FLRT2: variants seen among roughly 807,000 people sequenced by gnomAD.
FLRT2 encodes fibronectin leucine rich transmembrane protein 2, also known as leucine-rich repeat transmembrane protein FLRT2.
Under a neutral mutation model 40.0 loss-of-function variants are expected in FLRT2, and 15 were observed. That is an observed-to-expected ratio of 0.38 (90% CI 0.25 to 0.58). The LOEUF (loss-of-function observed/expected upper bound fraction) is 0.58. Ranked by LOEUF, FLRT2 falls within the 20% of genes least tolerant of loss-of-function variation. FLRT2 has a pLI of 0.71. For missense variants in FLRT2, 726 were observed against 840.0 expected (o/e 0.86, Z 1.68); for synonymous variants, 380 against 336.8 (o/e 1.13, Z -1.41).
At position 85,643,378 on chromosome 14, in the gene FLRT2, T is replaced by TTCCTTC. The variant is rs1555373585; in HGVS notation, c.*19881_*19882insTCCTTC. ...TTCTTCCTTCCTTCCTTCCTTCCTT[T>TTCCTTC]CTTTCCTTTCTCCTTTTTCTTTTTT... On this transcript the variant is annotated 3_prime_UTR_variant, in exon 2 of 2. Transcript: ENST00000330753. 2.0e-5 allele frequency: 2 copies of TTCCTTC among 99,824 alleles called. No individual in the cohort carries two copies. The highest frequency in any genetic ancestry group is 4.2e-5 in the African/African-American group (1 of 23,632). 6.2% of individuals were successfully genotyped at this position (99,824 alleles called of 1,614,324 possible). A position where few individuals can be genotyped will look rare whatever the true frequency, so the allele number is the denominator to read the frequency against.
chr14:85,614,099 CA>C (rs1893016164), intron 1 of FLRT2, among the ~76,000 whole-genome samples: 1 of 152,146 alleles, frequency 6.6e-6, no homozygotes, highest in South Asian at 2.1e-4. Context: ...AGCCCTCTAA[CA>C]ACCGTGAAAT....
chr14:85,557,121 G>A lies in FLRT2; in HGVS notation c.-377+26587G>A, dbSNP rs111854542. Among the ~76,000 whole-genome samples the A allele has an allele frequency of 1.7e-3, 255 of 152,138 alleles. 4 individuals carry two copies. Among genetic ancestry groups the A allele is most frequent in the Middle Eastern group, 0.01 (3 of 294 alleles). On this transcript the variant is annotated intron_variant, in intron 1 of 1. Transcript: ENST00000330753. The stretch of plus-strand genomic sequence containing the variant: ...CCTCCCACAACACATGGGAATTATG[G>A]GAATATGATTCAAGATGAGATTTGG...
At position 85,622,576 on chromosome 14, in the gene FLRT2, T is replaced by C; in HGVS notation, c.1062T>C (p.Asn354=). ...GGGGGATGGCCGTCAGGGAATTAAA[T>C]ATGAATCTTTTGTCCTGTCCCACCA... ...QVRGMAVREL[N]MNLLSCPTTT... The change falls in exon 2 of 2, where the codon AAT becomes AAC. Residue 354 remains asparagine, a synonymous_variant. Transcript: ENST00000330753. 1 of 1,613,706 alleles carries C rather than the reference T, an allele frequency of 6.2e-7. No homozygotes were observed. Among genetic ancestry groups the C allele is most frequent in the Non-Finnish European group, 8.5e-7 (1 of 1,179,960 alleles).
Position 85,648,718 on chromosome 14 carries a change from T to C in FLRT2, c.*25221T>C, listed in dbSNP as rs562315459. ...GACCTCTTACCAAACACAGATGAGA[T>C]GTACTGTCTGCCACCCTAACTGCCC... On this transcript the variant is annotated 3_prime_UTR_variant, in exon 2 of 2. Coordinates refer to ENST00000330753, the MANE Select transcript of FLRT2 (RefSeq NM_013231.6). The C allele has an allele frequency of 6.6e-6, 1 of 152,276 alleles. No homozygotes were observed. The highest frequency in any genetic ancestry group is 2.1e-4 in the South Asian group (1 of 4,832). The allele number at this position is 152,276 out of a possible 1,614,324, so 9.4% of individuals were successfully genotyped here.
intron 1 of FLRT2, among the ~76,000 whole-genome samples, chr14:85,594,609 T>A (rs939764230): frequency 2.0e-5 from 3 of 152,160 alleles, no homozygotes; most frequent in Non-Finnish European, 2.9e-5. Context: ...GTCTTTGGAG[T>A]TGTTTTAATC....
intron 1 of FLRT2, among the ~76,000 whole-genome samples, chr14:85,546,995 A>G (rs1439444094): frequency 1.3e-5 from 2 of 152,082 alleles, no homozygotes; most frequent in African/African-American, 4.8e-5. Context: ...ACTTAAAACA[A>G]ATTTCTGTTT....
chr14:85,571,566 A>G (rs78191952), intron 1 of FLRT2, among the ~76,000 whole-genome samples: 6,686 of 152,246 alleles, frequency 0.044, 391 homozygotes, highest in African/African-American at 0.13. Flanking sequence ...AAATGTAATC[A>G]TTGTTAGTCC....
chr14:85,598,986 T>C (rs1362939054), intron 1 of FLRT2, among the ~76,000 whole-genome samples: 1 of 150,660 alleles, frequency 6.6e-6, no homozygotes, highest in Non-Finnish European at 1.5e-5. Context: ...GGCACAGTCT[T>C]GGCTCACTGC....
Position 85,622,819 on chromosome 14 carries a change from T to A in FLRT2, c.1305T>A (p.Thr435=), listed in dbSNP as rs780593469. 1.2e-6 allele frequency: 2 copies of A among 1,614,192 alleles called. No individual in the cohort carries two copies. The highest frequency in any genetic ancestry group is 1.1e-5 in the South Asian group (1 of 91,088). Residue 435 remains threonine, a synonymous_variant, in exon 2 of 2, where the codon ACT becomes ACA. Transcript: ENST00000330753. ...TCTCTATCCATTTTGTGAATGATACTTCCATTCAAGTCAGCTGGCTCTCTC... is the reference window on the plus strand; with the variant it reads ...TCTCTATCCATTTTGTGAATGATACATCCATTCAAGTCAGCTGGCTCTCTC... ...IQLSIHFVND[T]SIQVSWLSLF...
intron 1 of FLRT2, among the ~76,000 whole-genome samples, chr14:85,541,810 C>G (rs1161019921): frequency 1.3e-5 from 2 of 152,124 alleles, no homozygotes; most frequent in African/African-American, 2.4e-5. Flanking sequence ...TTATACCCAC[C>G]CCCATGCCTT....
Position 85,611,902 on chromosome 14 carries a change from G to A in FLRT2, c.-376-9237G>A, listed in dbSNP as rs565938464. Among the ~76,000 whole-genome samples, 327 of 147,570 alleles carry A rather than the reference G, an allele frequency of 2.2e-3. 2 individuals are homozygous for A. Among genetic ancestry groups the A allele is most frequent in the African/African-American group, 7.9e-3 (317 of 40,122 alleles). On this transcript the variant is annotated intron_variant, in intron 1 of 1. Coordinates refer to ENST00000330753, the MANE Select transcript of FLRT2 (RefSeq NM_013231.6). ...ATGTGAGGGGAGAGAGAGAGAGAGC[G>A]CGCGTGCGCGAAAGCGTGTGTGTGT...
chr14:85,539,862 G>A (rs1888883222), intron 1 of FLRT2, among the ~76,000 whole-genome samples: 1 of 152,174 alleles, frequency 6.6e-6, no homozygotes, highest in African/African-American at 2.4e-5. Flanking sequence ...CGCTCTTACG[G>A]CCTCAAGAGA....
At chr14:85,615,034 A>C (rs1208991391) in intron 1 of FLRT2, among the ~76,000 whole-genome samples, 2 of 152,142 alleles carry the variant, frequency 1.3e-5, no homozygotes, top group African/African-American at 4.8e-5. Context: ...ACTACCGGGG[A>C]CCAACTACCC....
At chr14:85,553,089 C>G (rs1346625464) in intron 1 of FLRT2, among the ~76,000 whole-genome samples, 2 of 152,160 alleles carry the variant, frequency 1.3e-5, no homozygotes, top group Admixed American at 6.5e-5. Flanking sequence ...GAGCAGCCCC[C>G]TTTCACCCAT....
rs145351543 is a variant in FLRT2 at position 85,622,237 on chromosome 14, G to T, written c.723G>T (p.Ser241=). 1.2e-6 allele frequency: 2 copies of T among 1,614,040 alleles called. No individual in the cohort carries two copies. Among genetic ancestry groups the T allele is most frequent in the South Asian group, 2.2e-5 (2 of 91,072 alleles). The change falls in exon 2 of 2, where the codon TCG becomes TCT. Residue 241 remains serine (S), a synonymous_variant. Transcript: ENST00000330753. The part of the protein sequence containing the change: ...KLKEFSIVRN[S]LSHPPPDLPG... The stretch of plus-strand genomic sequence containing the variant: ...AGGAATTTTCAATTGTACGTAATTC[G>T]CTGTCCCACCCTCCTCCCGATCTCC...
At chr14:85,616,393 A>G (rs988584793) in intron 1 of FLRT2, among the ~76,000 whole-genome samples, 6 of 152,130 alleles carry the variant, frequency 3.9e-5, no homozygotes, top group African/African-American at 7.2e-5. Flanking sequence ...TATCACCAAC[A>G]TTTAGACTTA....
intron 1 of FLRT2, among the ~76,000 whole-genome samples, chr14:85,599,351 T>C (rs750718543): frequency 1.2e-4 from 18 of 152,082 alleles, no homozygotes; most frequent in Middle Eastern, 3.4e-3. Flanking sequence ...GCTGCCTCTG[T>C]AAACCACTGT....
At position 85,632,930 on chromosome 14, in the gene FLRT2, A is replaced by AT. The variant is rs1434904670; in HGVS notation, c.*9434dup. On this transcript the variant is annotated 3_prime_UTR_variant, in exon 2 of 2. Coordinates refer to ENST00000330753, the MANE Select transcript of FLRT2 (RefSeq NM_013231.6). ...AAATGGGGACAATGATGTCTAACAC[A>AT]TATGGTGGTTGTCAGAATTAAAGGC... 6.6e-6 allele frequency: 1 copy of AT among 152,256 alleles called. No homozygotes were observed. The highest frequency in any genetic ancestry group is 2.4e-5 in the African/African-American group (1 of 41,466). The allele number at this position is 152,256 out of a possible 1,614,324, so 9.4% of individuals were successfully genotyped here.
chr14:85,628,047 A>C lies in FLRT2; in HGVS notation c.*4550A>C, dbSNP rs1893764985. The C allele has an allele frequency of 6.4e-6, 1 of 156,488 alleles. No homozygotes were observed. Among genetic ancestry groups the C allele is most frequent in the Non-Finnish European group, 1.5e-5 (1 of 68,062 alleles). 9.7% of individuals were successfully genotyped at this position (156,488 alleles called of 1,614,324 possible). ...AATAGGACTTTCGTATTCTCCTATC[A>C]TGAATATGACTTGCATTTCTAAAGG... On this transcript the variant is annotated 3_prime_UTR_variant, in exon 2 of 2. Transcript: ENST00000330753.
Sources: gnomAD v4.1 joint callset for allele counts (sites outside exome capture counted in the v4.1 genomes callset) on GRCh38, gnomAD v4.1.1 for gene constraint, MANE v1.5 for transcripts, NCBI Gene and HGNC (gene_info 2026-07-23, HGNC 2026-07-21) for gene names.